CRHR1: variants seen among roughly 807,000 people sequenced by gnomAD.
CRHR1 encodes corticotropin-releasing hormone receptor 1.
Under a neutral mutation model 56.0 loss-of-function variants are expected in CRHR1, and 28 were observed. The observed-to-expected ratio is 0.50, with a 90% CI of 0.37 to 0.69. CRHR1 has a LOEUF of 0.69. CRHR1 is among the 30% of genes least tolerant of loss of function. The probability of loss-of-function intolerance (pLI) is 0.00; values close to 1 mark genes in which losing one functional copy is unlikely to be tolerated. For missense variants in CRHR1, 376 were observed against 548.0 expected (o/e 0.69, Z 3.13); for synonymous variants, 195 against 216.5 (o/e 0.90, Z 0.87).
chr17:45,821,441 G>T lies in CRHR1; in HGVS notation c.327+1G>T. 1 of 1,611,896 alleles carries T rather than the reference G, an allele frequency of 6.2e-7. No individual in the cohort carries two copies. Among genetic ancestry groups the T allele is most frequent in the Non-Finnish European group, 8.5e-7 (1 of 1,179,974 alleles). The stretch of plus-strand genomic sequence containing the variant: ...GTGCCAGGAGATCCTCAATGAGGAG[G>T]TGAGGCTGAGCCGAACAAGGCTGCC... On this transcript the variant is annotated splice_donor_variant, in intron 4 of 12. Transcript: ENST00000314537. LOFTEE classifies it high-confidence loss of function.
chr17:45,814,163 G>A (rs964766357), intron 2 of CRHR1, among the ~76,000 whole-genome samples: 7 of 152,222 alleles, frequency 4.6e-5, no homozygotes, highest in East Asian at 1.9e-4. Flanking sequence ...CATTCCAGAC[G>A]CTGCCACATG....
At chr17:45,825,107 G>A (rs1455919783) in intron 4 of CRHR1, among the ~76,000 whole-genome samples, 2 of 152,234 alleles carry the variant, frequency 1.3e-5, no homozygotes, top group African/African-American at 4.8e-5. Context: ...TAATTGAGTG[G>A]TAGGTTTCTC....
In CRHR1 at chr17:45,811,129, C is replaced by T. The variant is rs569632355; in HGVS notation, c.121+4032C>T. Among the ~76,000 whole-genome samples, 9 of 152,368 alleles carry T rather than the reference C, an allele frequency of 5.9e-5. No homozygotes were observed. The South Asian group carries it at 8.3e-4, about 14-fold the overall frequency. ...TGGGACAGAGCCAGGTTCCAGCTTC[C>T]TCTGAAGTTATCTACCATGGGCGGA... On this transcript the variant is annotated intron_variant, in intron 2 of 12. Transcript: ENST00000314537.
chr17:45,788,580 G>T (rs1030763730), intron 1 of CRHR1, among the ~76,000 whole-genome samples: 2 of 152,192 alleles, frequency 1.3e-5, no homozygotes, highest in African/African-American at 4.8e-5. Context: ...AACTCAGGAG[G>T]TTGAGGTAAG....
chr17:45,790,015 A>G lies in CRHR1; in HGVS notation c.33+5438A>G, dbSNP rs1038512343. Among the ~76,000 whole-genome samples the G allele has an allele frequency of 4.6e-5, 7 of 152,310 alleles. No individual in the cohort carries two copies. The South Asian group carries it at 1.5e-3, about 32-fold the overall frequency. ...TAAATCTTACCAACTTCCTCAGTCT[A>G]AGAAAGGCCATCAAAAGGAGAAGTG... On this transcript the variant is annotated intron_variant, in intron 1 of 12. Coordinates refer to ENST00000314537, the MANE Select transcript of CRHR1 (RefSeq NM_004382.5).
chr17:45,795,934 G>A (rs2061508809), intron 1 of CRHR1, among the ~76,000 whole-genome samples: 1 of 152,124 alleles, frequency 6.6e-6, no homozygotes, highest in African/African-American at 2.4e-5. Context: ...ACTGACCTTT[G>A]GCCTTAGAAG....
In CRHR1 at chr17:45,834,910, C is replaced by T. The variant is rs574071906; in HGVS notation, c.*146C>T. ...GCTGGCACTGACAGCCTGGGGGGGCCGCTCTCCCCCTGCAGCCGTGCAGGA... is the reference window on the plus strand; with the variant it reads ...GCTGGCACTGACAGCCTGGGGGGGCTGCTCTCCCCCTGCAGCCGTGCAGGA... On this transcript the variant is annotated 3_prime_UTR_variant, in exon 13 of 13. Coordinates refer to ENST00000314537, the MANE Select transcript of CRHR1 (RefSeq NM_004382.5). 1.3e-4 allele frequency: 137 copies of T among 1,093,338 alleles called. No individual in the cohort carries two copies. The East Asian group carries it at 2.6e-3, about 21-fold the overall frequency. 67.7% of individuals were successfully genotyped at this position (1,093,338 alleles called of 1,614,324 possible).
intron 10 of CRHR1, 21 bp from the exon 11 acceptor site, chr17:45,833,693 T>TGGGGGGCCCCCC: frequency 1.1e-5 from 18 of 1,571,474 alleles, no homozygotes; most frequent in Middle Eastern, 2.0e-4. Flanking sequence ...ACTCCGAGCC[T>TGGGGGGCCCCCC]CCCCACCCGC....
At chr17:45,799,184 G>C (rs757265143) in intron 1 of CRHR1, among the ~76,000 whole-genome samples, 3 of 152,238 alleles carry the variant, frequency 2.0e-5, no homozygotes, top group Non-Finnish European at 4.4e-5. Flanking sequence ...GTGCCCCTCT[G>C]CTGGTACACA....
intron 1 of CRHR1, among the ~76,000 whole-genome samples, chr17:45,789,372 A>T (rs2061388544): frequency 6.9e-6 from 1 of 144,280 alleles, no homozygotes; most frequent in African/African-American, 2.5e-5. Context: ...GTCCCTAGGA[A>T]TTTTTTTTTT....
rs746620826 is a variant in CRHR1, at chr17:45,806,997, C to G, written c.34-13C>G. On this transcript the variant is annotated splice_polypyrimidine_tract_variant and intron_variant, in intron 1 of 12. Transcript: ENST00000314537. ...CACCTGCCTAATGTGTCCTTCGCCT[C>G]CTGTGCCTGCAGGCCCTTCTCCTTC... The G allele has an allele frequency of 1.9e-6, 3 of 1,612,842 alleles. No individual in the cohort carries two copies. In the African/African-American group the frequency reaches 4.0e-5, roughly 22 times the overall value.
rs115646658 is a variant in CRHR1, at chr17:45,813,199, C to T, written c.122-3264C>T. ...CAGTGCCAACTGGCCAGGAGCGTGG[C>T]GCCTGAGGCCCTGTCCTGCTGCCTC... is the stretch of plus-strand genomic sequence containing the variant. On this transcript the variant is annotated intron_variant, in intron 2 of 12. Transcript: ENST00000314537. Among the ~76,000 whole-genome samples the T allele has an allele frequency of 8.1e-3, 1,227 of 152,268 alleles. 27 individuals are homozygous for T. The highest frequency in any genetic ancestry group is 0.028 in the African/African-American group (1,181 of 41,550).
At chr17:45,801,009 A>G (rs146122143) in intron 1 of CRHR1, among the ~76,000 whole-genome samples, 31 of 152,314 alleles carry the variant, frequency 2.0e-4, no homozygotes, top group Non-Finnish European at 4.3e-4. Context: ...ACGGTTATTT[A>G]TGGTCTCTGA....
At chr17:45,831,438 G>T (rs1240846299) in intron 8 of CRHR1, among the ~76,000 whole-genome samples, 4 of 152,244 alleles carry the variant, frequency 2.6e-5, no homozygotes, top group Non-Finnish European at 5.9e-5. Flanking sequence ...GGACCTAGAT[G>T]ATCTCAGAGG....
chr17:45,814,553 G>A (rs991990290), intron 2 of CRHR1, among the ~76,000 whole-genome samples: 3 of 152,196 alleles, frequency 2.0e-5, no homozygotes, highest in Non-Finnish European at 4.4e-5. Flanking sequence ...AAGATCAAAC[G>A]AAATAGATGA....
At chr17:45,811,010 G>A (rs778652985) in intron 2 of CRHR1, among the ~76,000 whole-genome samples, 1 of 152,198 alleles carries the variant, frequency 6.6e-6, no homozygotes, top group Non-Finnish European at 1.5e-5. Flanking sequence ...TCCCCCTCCT[G>A]GGTTTAAGCC....
Position 45,816,564 on chromosome 17 carries a change from G to A in CRHR1, c.223G>A (p.Val75Ile). ...VRPCPAFFYG[V>I]RYNTTNNGYR... Reference sequence around the variant, plus strand: ...GCCCTGCCCTGCCTTTTTCTATGGTGTCCGCTACAATACCACAAGTAAGGA... The same window carrying A: ...GCCCTGCCCTGCCTTTTTCTATGGTATCCGCTACAATACCACAAGTAAGGA... Residue 75 changes from valine to isoleucine, a missense_variant, in exon 3 of 13, where the codon GTC (valine) becomes ATC (isoleucine). Transcript: ENST00000314537. 1 of 1,614,128 alleles carries A rather than the reference G, an allele frequency of 6.2e-7. No individual in the cohort carries two copies. Among genetic ancestry groups the A allele is most frequent in the African/African-American group, 1.3e-5 (1 of 75,054 alleles).
At chr17:45,807,543 G>A (rs1247936712) in intron 2 of CRHR1, among the ~76,000 whole-genome samples, 1 of 152,206 alleles carries the variant, frequency 6.6e-6, no homozygotes, top group African/African-American at 2.4e-5. Flanking sequence ...TCAAGGACTG[G>A]AGCTGTATTA....
At chr17:45,809,092 CT>C (rs1437265774) in intron 2 of CRHR1, among the ~76,000 whole-genome samples, 1 of 152,192 alleles carries the variant, frequency 6.6e-6, no homozygotes, top group Non-Finnish European at 1.5e-5. Flanking sequence ...TTAAGAGACA[CT>C]GTTAGTGTGA....
Sources: gnomAD v4.1 joint callset for allele counts (sites outside exome capture counted in the v4.1 genomes callset) on GRCh38, gnomAD v4.1.1 for gene constraint, MANE v1.5 for transcripts, NCBI Gene and HGNC (gene_info 2026-07-23, HGNC 2026-07-21) for gene names.